VPS41: variants seen among roughly 807,000 people sequenced by gnomAD.
VPS41 encodes the protein VPS41 subunit of HOPS complex.
In VPS41, 85 loss-of-function variants were observed where a neutral mutation model predicts 130.9. That is an observed-to-expected ratio of 0.65 (90% CI 0.55 to 0.78). VPS41 has a LOEUF of 0.78. Among genes scored for constraint, VPS41 ranks in the 30% least tolerant of loss-of-function variants. VPS41 has a pLI of 0.00. For missense variants in VPS41, 874 were observed against 1,018.7 expected, an observed-to-expected ratio of 0.86 and a Z score of 1.93; for synonymous variants, 335 against 332.9, an observed-to-expected ratio of 1.01 and a Z score of -0.07.
chr7:38,787,808 T>C (rs1439922679), intron 10 of VPS41, among the ~76,000 whole-genome samples: 1 of 152,230 alleles, frequency 6.6e-6, no homozygotes, highest in Non-Finnish European at 1.5e-5. Context: ...CAAACTATTT[T>C]GCCTCCTGCT....
chr7:38,763,408 A>G (rs755693599), intron 17 of VPS41, 47 bp downstream of exon 17: 1 of 1,314,372 alleles, frequency 7.6e-7, no homozygotes, highest in Non-Finnish European at 1.1e-6. Flanking sequence ...ATTTCCTAAC[A>G]CCTCCCATCG....
chr7:38,802,971 T>A (rs1319664107), intron 7 of VPS41, among the ~76,000 whole-genome samples: 1 of 152,232 alleles, frequency 6.6e-6, no homozygotes, highest in Non-Finnish European at 1.5e-5. Context: ...AGAGGTCTAT[T>A]TTTTTGTTGG....
chr7:38,847,134 T>A (rs1785743839), intron 4 of VPS41, among the ~76,000 whole-genome samples: 1 of 152,238 alleles, frequency 6.6e-6, no homozygotes, highest in Non-Finnish European at 1.5e-5. Flanking sequence ...AACAGTTCAG[T>A]GCTGTCTGTG....
At chr7:38,760,481 C>T (rs142105564) in intron 17 of VPS41, among the ~76,000 whole-genome samples, 7 of 152,158 alleles carry the variant, frequency 4.6e-5, no homozygotes, top group Non-Finnish European at 1.0e-4. Flanking sequence ...TCTCTTTTTA[C>T]ATGTAAAACG....
In VPS41 at chr7:38,801,393, T is replaced by C. The variant is rs1169366745; in HGVS notation, c.451-4529A>G. 2.0e-5 allele frequency among the ~76,000 whole-genome samples: 3 copies of C among 152,232 alleles called. No homozygotes were observed. In the East Asian group the frequency reaches 5.8e-4, roughly 29 times the overall value. On this transcript the variant is annotated intron_variant, in intron 7 of 28. Coordinates refer to ENST00000310301, the MANE Select transcript of VPS41 (RefSeq NM_014396.4). The stretch of plus-strand genomic sequence containing the variant: ...ATTTTAACTAATTAATATTACAAGT[T>C]TTGACAGGATTCACGTTATTTTCTT...
At chr7:38,894,048 C>T (rs1190106695) in intron 2 of VPS41, among the ~76,000 whole-genome samples, 1 of 152,086 alleles carries the variant, frequency 6.6e-6, no homozygotes, top group Non-Finnish European at 1.5e-5. Context: ...GAAAACACTA[C>T]ACATTATTCT....
At chr7:38,903,548 A>C (rs966570358) in intron 1 of VPS41, among the ~76,000 whole-genome samples, 2 of 152,162 alleles carry the variant, frequency 1.3e-5, no homozygotes, top group African/African-American at 4.8e-5. Flanking sequence ...GCTCCAAGAA[A>C]TCATCTATCT....
At position 38,796,744 on chromosome 7, in the gene VPS41, C is replaced by A; in HGVS notation, c.570+1G>T. 1 of 1,613,664 alleles carries A rather than the reference C, an allele frequency of 6.2e-7. No individual in the cohort carries two copies. The highest frequency in any genetic ancestry group is 8.5e-7 in the Non-Finnish European group (1 of 1,179,722). ...TAGGAAGACAGAGGCATATTTTTTA[C>A]CATATTATTGGCCCAAGCAATCAGA... On this transcript the variant is annotated splice_donor_variant, in intron 8 of 28. Transcript: ENST00000310301. LOFTEE classifies it high-confidence loss of function.
intron 25 of VPS41, among the ~76,000 whole-genome samples, chr7:38,734,001 A>C (rs980830568): frequency 1.3e-5 from 2 of 152,150 alleles, no homozygotes; most frequent in Admixed American, 1.3e-4. Flanking sequence ...TGAAAGGATC[A>C]CTTGAGCCCG....
At chr7:38,813,695 G>A (rs1784986968) in intron 7 of VPS41, among the ~76,000 whole-genome samples, 1 of 151,860 alleles carries the variant, frequency 6.6e-6, no homozygotes, top group South Asian at 2.1e-4. Context: ...AAGCTCTTCA[G>A]TGTATGTTTT....
intron 4 of VPS41, among the ~76,000 whole-genome samples, chr7:38,848,500 T>C (rs1372795929): frequency 6.6e-6 from 1 of 152,174 alleles, no homozygotes; most frequent in African/African-American, 2.4e-5. Flanking sequence ...TCAAAAATAA[T>C]AGTTCTTCAG....
chr7:38,794,456 A>T (rs76538178), intron 9 of VPS41, among the ~76,000 whole-genome samples: 3,600 of 152,376 alleles, frequency 0.024, 134 homozygotes, highest in African/African-American at 0.081. Flanking sequence ...AGAAGAGTAC[A>T]TTTTAAATAG....
At chr7:38,835,143 G>T (rs1404153863) in intron 4 of VPS41, among the ~76,000 whole-genome samples, 2 of 151,750 alleles carry the variant, frequency 1.3e-5, no homozygotes. Flanking sequence ...AAGTACTTGT[G>T]TTTCCTTTTT....
chr7:38,744,728 T>G (rs1291419791), intron 23 of VPS41, among the ~76,000 whole-genome samples: 1 of 152,158 alleles, frequency 6.6e-6, no homozygotes, highest in Non-Finnish European at 1.5e-5. Flanking sequence ...AAAGCACTTC[T>G]CCTAAGAAGG....
At chr7:38,854,381 T>G (rs1293041263) in intron 4 of VPS41, among the ~76,000 whole-genome samples, 2 of 152,242 alleles carry the variant, frequency 1.3e-5, no homozygotes, top group Non-Finnish European at 2.9e-5. Flanking sequence ...AGCAGGGTTC[T>G]TTGTTCAAGG....
At chr7:38,817,336 G>A (rs1474355408) in intron 7 of VPS41, among the ~76,000 whole-genome samples, 1 of 152,204 alleles carries the variant, frequency 6.6e-6, no homozygotes, top group East Asian at 1.9e-4. Flanking sequence ...GGGCGCAGTG[G>A]CTCACGCCTG....
intron 7 of VPS41, among the ~76,000 whole-genome samples, chr7:38,810,393 T>C (rs1379355071): frequency 2.1e-5 from 2 of 96,290 alleles, no homozygotes; most frequent in East Asian, 8.5e-4. Flanking sequence ...CTGCAATGTA[T>C]GTTGCATACT....
intron 2 of VPS41, among the ~76,000 whole-genome samples, chr7:38,875,302 G>A (rs759223392): frequency 6.6e-6 from 1 of 151,974 alleles, no homozygotes; most frequent in Non-Finnish European, 1.5e-5. Context: ...CTCCAAATTT[G>A]TCACATTCGT....
rs776879636 is a variant in VPS41 at position 38,830,275 on chromosome 7, A to C, written c.300T>G (p.Gly100=). ...ISLDESGEHM[G]VCSEDGKVQV... ...ATACCTTGCCATCCTCTGAACACAC[A>C]CCCATGTGCTCTCCACTTTCATCCA... The change falls in exon 5 of 29, where the codon GGT becomes GGG. Residue 100 remains glycine (G), a synonymous_variant. Transcript: ENST00000310301. 6.2e-7 allele frequency: 1 copy of C among 1,613,052 alleles called. No individual in the cohort carries two copies. Among genetic ancestry groups the C allele is most frequent in the Non-Finnish European group, 8.5e-7 (1 of 1,179,016 alleles).
Sources: allele counts gnomAD v4.1 joint callset (sites outside exome capture counted in the v4.1 genomes callset), GRCh38; gene constraint gnomAD v4.1.1; transcripts MANE v1.5; gene names NCBI Gene and HGNC (gene_info 2026-07-23, HGNC 2026-07-21).